RBM19: variants seen among roughly 807,000 people sequenced by gnomAD.
RBM19 encodes the protein probable RNA-binding protein 19.
A neutral mutation model predicts 116.8 loss-of-function variants in RBM19; 94 were observed. The ratio of observed to expected loss-of-function variants is 0.80; its 90% confidence interval spans 0.68 to 0.95. The LOEUF is 0.95. Ranked by LOEUF, RBM19 falls within the 40% of genes least tolerant of loss-of-function variation. The probability of loss-of-function intolerance (pLI) is 0.00; values close to 1 mark genes in which losing one functional copy is unlikely to be tolerated. For synonymous variants in RBM19, 475 were observed against 494.1 expected, an observed-to-expected ratio of 0.96 and a Z score of 0.51; for missense variants, 1,161 against 1,220.7, an observed-to-expected ratio of 0.95 and a Z score of 0.73.
chr12:113,957,185 ATC>A (rs1174399089), intron 6 of RBM19, among the ~76,000 whole-genome samples: 1 of 152,174 alleles, frequency 6.6e-6, no homozygotes, highest in East Asian at 1.9e-4. Flanking sequence ...CTGGACTAGC[ATC>A]TCACTTTTAA....
chr12:113,888,870 A>G (rs145411344), intron 21 of RBM19, among the ~76,000 whole-genome samples: 129 of 152,368 alleles, frequency 8.5e-4, no homozygotes, highest in African/African-American at 2.9e-3. Flanking sequence ...TGTGGTCAGC[A>G]CTAGAAAAAT....
At chr12:113,942,565 A>G in intron 13 of RBM19, 131 bp from the exon 14 acceptor site, 1 of 641,300 alleles carries the variant, frequency 1.6e-6, no homozygotes, top group Non-Finnish European at 2.6e-6. Flanking sequence ...ACCTTCCTAC[A>G]TTGATCAGAT....
intron 21 of RBM19, among the ~76,000 whole-genome samples, chr12:113,909,560 T>TA (rs1457970838): frequency 6.6e-6 from 1 of 151,822 alleles, no homozygotes; most frequent in Non-Finnish European, 1.5e-5. Flanking sequence ...CACCTGTCGG[T>TA]AAAAAGGAAG....
intron 5 of RBM19, among the ~76,000 whole-genome samples, 198 bp from the exon 6 acceptor site, chr12:113,958,248 T>G (rs1023846331): frequency 1.3e-5 from 2 of 152,162 alleles, no homozygotes; most frequent in South Asian, 4.1e-4. Context: ...AGCTTTGATA[T>G]TCTCTGTGCC....
intron 21 of RBM19, among the ~76,000 whole-genome samples, chr12:113,901,576 T>C (rs1345616925): frequency 6.6e-6 from 1 of 152,204 alleles, no homozygotes; most frequent in Non-Finnish European, 1.5e-5. Context: ...TGGTGTAATC[T>C]TGGCTTACTG....
intron 23 of RBM19, among the ~76,000 whole-genome samples, chr12:113,842,730 A>T (rs977862211): frequency 1.3e-5 from 2 of 152,118 alleles, no homozygotes; most frequent in Non-Finnish European, 2.9e-5. Flanking sequence ...GAAATTACTG[A>T]TACCTGTGGA....
chr12:113,867,740 G>A (rs898162125), intron 21 of RBM19, among the ~76,000 whole-genome samples: 17 of 152,094 alleles, frequency 1.1e-4, no homozygotes, highest in Non-Finnish European at 2.4e-4. Flanking sequence ...GGCCAACATG[G>A]TGAAGCCCCA....
At chr12:113,931,114 C>T (rs193194290) in intron 16 of RBM19, among the ~76,000 whole-genome samples, 27 of 152,172 alleles carry the variant, frequency 1.8e-4, no homozygotes, top group East Asian at 7.7e-4. Flanking sequence ...ATAATTATGA[C>T]GAAGAATGCA....
intron 21 of RBM19, among the ~76,000 whole-genome samples, chr12:113,862,468 G>A: frequency 6.6e-6 from 1 of 152,170 alleles, no homozygotes; most frequent in East Asian, 1.9e-4. Flanking sequence ...AAAAAGGTTG[G>A]GGGAGAAGAA....
chr12:113,958,489 C>G (rs1872175288), intron 5 of RBM19, among the ~76,000 whole-genome samples: 2 of 152,238 alleles, frequency 1.3e-5, no homozygotes, highest in Admixed American at 6.5e-5. Context: ...TTGAGCCCCT[C>G]AAGCCCATGC....
At chr12:113,887,467 C>A (rs1055225943) in intron 21 of RBM19, among the ~76,000 whole-genome samples, 7 of 151,798 alleles carry the variant, frequency 4.6e-5, no homozygotes, top group African/African-American at 1.5e-4. Context: ...GAAACCCCGT[C>A]TCTGCTAAAA....
chr12:113,818,404 G>C (rs1370156317), downstream of RBM19, among the ~76,000 whole-genome samples: 1 of 152,132 alleles, frequency 6.6e-6, no homozygotes, highest in African/African-American at 2.4e-5. Flanking sequence ...GGGCAGGGGG[G>C]CACCTCCTAC....
chr12:113,848,350 C>T (rs1319003917), intron 22 of RBM19, among the ~76,000 whole-genome samples: 1 of 152,188 alleles, frequency 6.6e-6, no homozygotes, highest in Non-Finnish European at 1.5e-5. Context: ...CTAGTCCCTG[C>T]AGGTTAATAT....
intron 22 of RBM19, among the ~76,000 whole-genome samples, chr12:113,852,085 AG>A (rs1311556181): frequency 6.6e-6 from 1 of 151,976 alleles, no homozygotes; most frequent in African/African-American, 2.4e-5. Flanking sequence ...GTTAAAAGGG[AG>A]GAAGGCTGTC....
At chr12:113,852,482 G>A (rs1306083815) in intron 22 of RBM19, among the ~76,000 whole-genome samples, 3 of 152,190 alleles carry the variant, frequency 2.0e-5, no homozygotes, top group African/African-American at 4.8e-5. Flanking sequence ...GCGCACACAC[G>A]TCACATGCAC....
Position 113,942,356 on chromosome 12 carries a change from C to T in RBM19, c.1705G>A (p.Asp569Asn), listed in dbSNP as rs1231093684. Reference sequence around the variant, plus strand: ...AAGGAATCCAGGCTGACCCCGTTGTCTATGAGAAAACGCCGCACTTCCTGG... The same window carrying T: ...AAGGAATCCAGGCTGACCCCGTTGTTTATGAGAAAACGCCGCACTTCCTGG... ...LVQEVRRFLI[D>N]NGVSLDSFSQ... The change falls in exon 14 of 24, where the codon GAC (aspartate) becomes AAC (asparagine). Residue 569 changes from aspartate to asparagine, a missense_variant. By Grantham distance (23) the Asp-to-Asn change is conservative. Coordinates refer to ENST00000261741, the MANE Select transcript of RBM19 (RefSeq NM_016196.4). 1.2e-6 allele frequency: 2 copies of T among 1,608,684 alleles called. No individual in the cohort carries two copies. The highest frequency in any genetic ancestry group is 1.1e-5 in the South Asian group (1 of 91,066).
At chr12:113,934,636 C>T (rs898832932) in intron 16 of RBM19, among the ~76,000 whole-genome samples, 4 of 152,032 alleles carry the variant, frequency 2.6e-5, no homozygotes, top group Admixed American at 6.5e-5. Flanking sequence ...AGAGCAACAC[C>T]GGGGAAAGGA....
chr12:113,958,033 G>A lies in RBM19; in HGVS notation c.589C>T (p.Pro197Ser). ...AGCTCCTTCTGCACAGCTGCCTTTG[G>A]TTCGAGGCTTGCCTCTTCTGGAAAA... ...EDLEEEASLE[P>S]KAAVQKELSD... The change falls in exon 6 of 24, where the codon CCA becomes TCA. Residue 197 changes from proline (P) to serine (S), a missense_variant. Transcript: ENST00000261741. 1 of 1,611,890 alleles carries A rather than the reference G, an allele frequency of 6.2e-7. No homozygotes were observed. The highest frequency in any genetic ancestry group is 8.5e-7 in the Non-Finnish European group (1 of 1,178,944).
intron 21 of RBM19, among the ~76,000 whole-genome samples, chr12:113,870,367 C>T (rs1232267489): frequency 6.6e-6 from 1 of 152,202 alleles, no homozygotes; most frequent in Non-Finnish European, 1.5e-5. Context: ...TGAAAGGGCC[C>T]TATCAATTTA....
Sources: allele counts gnomAD v4.1 joint callset (sites outside exome capture counted in the v4.1 genomes callset), GRCh38; gene constraint gnomAD v4.1.1; transcripts MANE v1.5; gene names NCBI Gene and HGNC (gene_info 2026-07-23, HGNC 2026-07-21).